The following ANXA1 variants were observed in gnomAD, a reference collection of about 807,000 sequenced individuals.
ANXA1 encodes annexin A1.
Under a neutral mutation model 47.9 loss-of-function variants are expected in ANXA1, and 39 were observed. That is an observed-to-expected ratio of 0.81 (90% CI 0.63 to 1.06). The LOEUF is 1.06. Ranked by LOEUF, ANXA1 falls within the 50% of genes least tolerant of loss-of-function variation. The probability of loss-of-function intolerance (pLI) is 0.00; values close to 1 mark genes in which losing one functional copy is unlikely to be tolerated. For missense variants in ANXA1, 446 were observed against 422.7 expected (o/e 1.06, Z -0.48); for synonymous variants, 146 against 142.5 (o/e 1.02, Z -0.17).
Position 73,169,071 on chromosome 9 carries a change from G to A in ANXA1, c.901G>A (p.Val301Ile). Residue 301 changes from valine (V) to isoleucine (I), a missense_variant, in exon 12 of 13, where the codon GTT becomes ATT. Physicochemically the swap from Val to Ile is conservative, Grantham distance 29 (BLOSUM62 3). Coordinates refer to ENST00000257497, the MANE Select transcript of ANXA1 (RefSeq NM_000700.3). ...TRHKALIRIM[V>I]SRSEIDMNDI... ...CCATAAGGCATTGATCAGGATTATG[G>A]TTTCCCGTTCTGAAATTGACATGAA... 1 of 1,613,344 alleles carries A rather than the reference G, an allele frequency of 6.2e-7. No homozygotes were observed.
At chr9:73,167,842 T>C in intron 11 of ANXA1, 1 of 300,884 alleles carries the variant, frequency 3.3e-6, no homozygotes, top group African/African-American at 2.2e-5. Context: ...ATGTACTTTC[T>C]TTTTTAACGT....
intron 1 of ANXA1, among the ~76,000 whole-genome samples, chr9:73,155,963 T>TAA (rs35728611): frequency 2.7e-5 from 4 of 145,970 alleles, no homozygotes; most frequent in South Asian, 2.1e-4. Context: ...TTTTTAGAAG[T>TAA]AAAAAAAAAA....
chr9:73,159,464 A>G, intron 4 of ANXA1, 41 bp downstream of exon 4: 1 of 1,540,530 alleles, frequency 6.5e-7, no homozygotes, highest in Non-Finnish European at 9.0e-7. Flanking sequence ...ATTTCAGCAT[A>G]GTTATACTTA....
chr9:73,157,635 CAGAG>C (rs575426045), intron 1 of ANXA1: 4 of 114,132 alleles, frequency 3.5e-5, no homozygotes, highest in Non-Finnish European at 6.6e-5. Flanking sequence ...GCCTGGGCGA[CAGAG>C]AAAGACTCCA....
chr9:73,156,146 A>AATATAT (rs376200296), intron 1 of ANXA1, among the ~76,000 whole-genome samples: 2 of 146,330 alleles, frequency 1.4e-5, no homozygotes, highest in African/African-American at 5.0e-5. Context: ...AATAATAAAT[A>AATATAT]ATATAAATAA....
Position 73,160,321 on chromosome 9 carries a change from C to T in ANXA1, c.329C>T (p.Ala110Val). Residue 110 changes from alanine (A) to valine (V), a missense_variant, in exon 5 of 13, where the codon GCT (alanine) becomes GTT (valine). Physicochemically the swap from Ala to Val is moderately conservative, Grantham distance 64. Coordinates refer to ENST00000257497, the MANE Select transcript of ANXA1 (RefSeq NM_000700.3). ...LTGHLEEVVL[A>V]LLKTPAQFDA... The stretch of plus-strand genomic sequence containing the variant: ...GGTCACCTTGAGGAGGTTGTTTTAG[C>T]TCTGCTAAAAACTCCAGCGCAATTT... 1 of 1,588,596 alleles carries T rather than the reference C, an allele frequency of 6.3e-7. No individual in the cohort carries two copies. The highest frequency in any genetic ancestry group is 8.5e-7 in the Non-Finnish European group (1 of 1,172,316).
chr9:73,165,782 G>T (rs1358753403), intron 9 of ANXA1, among the ~76,000 whole-genome samples: 7 of 152,028 alleles, frequency 4.6e-5, no homozygotes. Context: ...TTTATATAAG[G>T]GAAGATCCAT....
At chr9:73,169,979 T>G in intron 12 of ANXA1, 72 bp from the exon 13 acceptor site, 1 of 1,143,032 alleles carries the variant, frequency 8.7e-7, no homozygotes, top group Non-Finnish European at 1.2e-6. Flanking sequence ...AAAATAATTC[T>G]TCTATAAGTA....
intron 10 of ANXA1, among the ~76,000 whole-genome samples, chr9:73,167,213 G>T (rs1824246475): frequency 6.6e-6 from 1 of 152,034 alleles, no homozygotes; most frequent in Admixed American, 6.6e-5. Context: ...CCACTCCCAA[G>T]GAGAATATAT....
chr9:73,167,762 A>C (rs1013483429), intron 11 of ANXA1: 3 of 507,248 alleles, frequency 5.9e-6, no homozygotes, highest in African/African-American at 1.9e-5. Flanking sequence ...TGAGATTGTA[A>C]AGTGAGCCTG....
At chr9:73,169,733 T>C (rs947577566) in intron 12 of ANXA1, among the ~76,000 whole-genome samples, 8 of 152,248 alleles carry the variant, frequency 5.3e-5, no homozygotes, top group African/African-American at 1.4e-4. Context: ...GTGAATCAGG[T>C]ATCTCCTCAC....
intron 10 of ANXA1, 143 bp from the exon 11 acceptor site, chr9:73,167,354 C>A (rs1824248736): frequency 1.5e-6 from 1 of 667,930 alleles, no homozygotes; most frequent in Non-Finnish European, 2.6e-6. Flanking sequence ...AAGTTAACTG[C>A]CCTATATTGG....
In ANXA1 at chr9:73,169,425, T is replaced by A. The variant is rs559544745; in HGVS notation, c.984+271T>A. ...TTCAGCAAGCAGAATATTCTAGTGT[T>A]CCCCCTAGGGTAGATAGACATTGTG... On this transcript the variant is annotated intron_variant, in intron 12 of 12. Transcript: ENST00000257497. Among the ~76,000 whole-genome samples, 15 of 152,214 alleles carry A rather than the reference T, an allele frequency of 9.9e-5. No homozygotes were observed. The East Asian group carries it at 2.9e-3, about 29-fold the overall frequency.
chr9:73,156,440 C>A (rs183947536), intron 1 of ANXA1, among the ~76,000 whole-genome samples: 9 of 151,974 alleles, frequency 5.9e-5, no homozygotes, highest in Non-Finnish European at 1.2e-4. Flanking sequence ...TGCAAAATTG[C>A]GGGTTGTTAC....
Position 73,160,375 on chromosome 9 carries a change from A to G in ANXA1, c.383A>G (p.Lys128Arg), listed in dbSNP as rs866217374. ...GCTGATGAACTTCGTGCTGCCATGAAGGTAAATCGCCCAATTTGAGCAAAC... is the reference window on the plus strand; with the variant it reads ...GCTGATGAACTTCGTGCTGCCATGAGGGTAAATCGCCCAATTTGAGCAAAC... ...FDADELRAAM[K>R]GLGTDEDTLI... is the part of the protein sequence containing the mutation. Residue 128 changes from lysine to arginine, a missense_variant and splice_region_variant, in exon 5 of 13, where the codon AAG (lysine) becomes AGG (arginine). By Grantham distance (26) the Lys-to-Arg change is conservative. Coordinates refer to ENST00000257497, the MANE Select transcript of ANXA1 (RefSeq NM_000700.3). 3 of 1,565,776 alleles carry G rather than the reference A, an allele frequency of 1.9e-6. No individual in the cohort carries two copies. Among genetic ancestry groups the G allele is most frequent in the African/African-American group, 1.4e-5 (1 of 71,474 alleles).
At position 73,162,793 on chromosome 9, in the gene ANXA1, G is replaced by A; in HGVS notation, c.487G>A (p.Asp163Asn). The A allele has an allele frequency of 6.2e-7, 1 of 1,612,598 alleles. No homozygotes were observed. Among genetic ancestry groups the A allele is most frequent in the Non-Finnish European group, 8.5e-7 (1 of 1,179,186 alleles). Residue 163 changes from aspartate to asparagine, a missense_variant, in exon 7 of 13, where the codon GAT (aspartate) becomes AAT (asparagine). By Grantham distance (23) the Asp-to-Asn change is conservative. Coordinates refer to ENST00000257497, the MANE Select transcript of ANXA1 (RefSeq NM_000700.3). ...TTCTTTTTTCTCAGAACTGAAGAGAGATCTGGCCAAAGACATAACCTCAGA... is the reference window on the plus strand; with the variant it reads ...TTCTTTTTTCTCAGAACTGAAGAGAAATCTGGCCAAAGACATAACCTCAGA... ...NRVYREELKR[D>N]LAKDITSDTS...
At chr9:73,163,583 T>A in intron 8 of ANXA1, 51 bp downstream of exon 8, 6 of 1,583,896 alleles carry the variant, frequency 3.8e-6, no homozygotes, top group Admixed American at 1.7e-5. Flanking sequence ...CTACCTTAAG[T>A]GGGGCTACCA....
In ANXA1 at chr9:73,165,022, C is replaced by T. The variant is rs376407974; in HGVS notation, c.613-94C>T. The T allele has an allele frequency of 5.3e-5, 50 of 945,672 alleles. No homozygotes were observed. The East Asian group carries it at 6.6e-4, about 12-fold the overall frequency. 58.6% of individuals were successfully genotyped at this position (945,672 alleles called of 1,614,324 possible). A position where few individuals can be genotyped will look rare whatever the true frequency, so the allele number is the denominator to read the frequency against. ...TACTCTGATTGTATTGGGCACAAAG[C>T]GATTGCCTATATAATCTTTGACAAG... is the stretch of plus-strand genomic sequence containing the variant. On this transcript the variant is annotated intron_variant, in intron 8 of 12. Transcript: ENST00000257497.
In ANXA1 at chr9:73,159,329, G is replaced by C; in HGVS notation, c.176G>C (p.Gly59Ala). 1 of 1,612,814 alleles carries C rather than the reference G, an allele frequency of 6.2e-7. No homozygotes were observed. Among genetic ancestry groups the C allele is most frequent in the Non-Finnish European group, 8.5e-7 (1 of 1,179,114 alleles). The part of the protein sequence containing the change: ...AALHKAIMVK[G>A]VDEATIIDIL... ...AAGGCTGTTGGCCCTTTATTTCCAG[G>C]TGTGGATGAAGCAACCATCATTGAC... Residue 59 changes from glycine to alanine, a missense_variant and splice_region_variant, in exon 4 of 13, where the codon GGT (glycine) becomes GCT (alanine). Physicochemically the swap from Gly to Ala is moderately conservative, Grantham distance 60. Coordinates refer to ENST00000257497, the MANE Select transcript of ANXA1 (RefSeq NM_000700.3).
Sources: allele counts gnomAD v4.1 joint callset (sites outside exome capture counted in the v4.1 genomes callset), GRCh38; gene constraint gnomAD v4.1.1; transcripts MANE v1.5; gene names NCBI Gene and HGNC (gene_info 2026-07-23, HGNC 2026-07-21).